Variants in PRKAG2 observed in about 807,000 individuals in gnomAD.
PRKAG2 encodes the protein 5'-AMP-activated protein kinase subunit gamma-2.
In PRKAG2, 26 loss-of-function variants were observed where a neutral mutation model predicts 69.6. That is an observed-to-expected ratio of 0.37 (90% CI 0.27 to 0.52). PRKAG2 has a LOEUF of 0.52. Among genes scored for constraint, PRKAG2 ranks in the 20% least tolerant of loss-of-function variants. The probability of loss-of-function intolerance (pLI) is 0.90; values close to 1 mark genes in which losing one functional copy is unlikely to be tolerated. For missense variants in PRKAG2, 557 were observed against 740.0 expected (o/e 0.75, Z 2.87); for synonymous variants, 293 against 285.0 (o/e 1.03, Z -0.28).
intron 10 of PRKAG2, 21 bp from the exon 11 acceptor site, chr7:151,568,863 G>A (rs1300995133): frequency 4.3e-6 from 7 of 1,612,908 alleles, no homozygotes; most frequent in African/African-American, 1.3e-5. Flanking sequence ...AGTCATTAAA[G>A]TTGTTAGGAG....
rs2076397948 is a variant in PRKAG2, at chr7:151,777,037, G to C, written c.466+4115C>G. On this transcript the variant is annotated intron_variant, in intron 3 of 15. Transcript: ENST00000287878. This position sits in a 1 kb window ranked among gnomAD's most constrained non-coding sequence, Gnocchi z 4.3. ...TCAGCCCGCAGCTGGAGCTCCTGCA[G>C]TACAGGAGATGGGTTGGGGGACTCA... 6.6e-6 allele frequency among the ~76,000 whole-genome samples: 1 copy of C among 152,154 alleles called. No homozygotes were observed. The highest frequency in any genetic ancestry group is 6.5e-5 in the Admixed American group (1 of 15,272).
intron 3 of PRKAG2, among the ~76,000 whole-genome samples, chr7:151,720,416 G>T (rs569348044): frequency 2.0e-5 from 3 of 151,936 alleles, no homozygotes; most frequent in Non-Finnish European, 4.4e-5. Context: ...AGCTCAGGAG[G>T]TCGGTCTATA....
chr7:151,559,953 T>C (rs1804537171), intron 15 of PRKAG2: 3 of 985,368 alleles, frequency 3.0e-6, no homozygotes, highest in Non-Finnish European at 2.4e-6. Context: ...TCTAAAGCCC[T>C]CTCCCGTTCT....
intron 3 of PRKAG2, among the ~76,000 whole-genome samples, chr7:151,755,062 C>T (rs2074988995): frequency 1.3e-5 from 2 of 152,170 alleles, no homozygotes; most frequent in African/African-American, 4.8e-5. Flanking sequence ...ACAGAGAGTT[C>T]TGAAGCCCGG....
intron 2 of PRKAG2, among the ~76,000 whole-genome samples, chr7:151,782,372 G>GAAA (rs1563663427): frequency 0.043 from 1,220 of 28,448 alleles, 53 homozygotes; most frequent in South Asian, 0.082. Context: ...AGGGAGGGAG[G>GAAA]GAAGGAAAGA....
chr7:151,617,537 TATC>T (rs1252415005), intron 5 of PRKAG2, among the ~76,000 whole-genome samples: 1 of 152,178 alleles, frequency 6.6e-6, no homozygotes, highest in African/African-American at 2.4e-5. Flanking sequence ...AAACAAAAAA[TATC>T]ATCATCTTAT....
At chr7:151,730,533 A>G (rs182314910) in intron 3 of PRKAG2, among the ~76,000 whole-genome samples, 1 of 152,342 alleles carries the variant, frequency 6.6e-6, no homozygotes, top group East Asian at 1.9e-4. Context: ...TAAAATAAAA[A>G]GAAAATTTCT....
At position 151,876,760 on chromosome 7, in the gene PRKAG2, G is replaced by C. The variant is rs1352437206; in HGVS notation, c.-140C>G. On this transcript the variant is annotated 5_prime_UTR_variant, in exon 1 of 16. Transcript: ENST00000287878. Reference sequence around the variant, plus strand: ...CCTCGTGGGGACTTCCGCGGAGAGGGAGGGTGAGCAGGGAACTCGCGCGGC... The same window carrying C: ...CCTCGTGGGGACTTCCGCGGAGAGGCAGGGTGAGCAGGGAACTCGCGCGGC... 4 of 846,178 alleles carry C rather than the reference G, an allele frequency of 4.7e-6. No homozygotes were observed. The highest frequency in any genetic ancestry group is 2.1e-5 in the Admixed American group (1 of 48,620). 52.4% of individuals were successfully genotyped at this position (846,178 alleles called of 1,614,324 possible).
intron 3 of PRKAG2, among the ~76,000 whole-genome samples, chr7:151,676,156 A>G (rs1052558777): frequency 6.7e-6 from 1 of 150,146 alleles, no homozygotes; most frequent in Non-Finnish European, 1.5e-5. Flanking sequence ...TGCCTTATTT[A>G]TTGAGGTAAA....
At chr7:151,678,789 T>C (rs970400055) in intron 3 of PRKAG2, among the ~76,000 whole-genome samples, 8 of 151,892 alleles carry the variant, frequency 5.3e-5, no homozygotes, top group African/African-American at 1.9e-4. Context: ...CAAAACCCCA[T>C]CTCTACTAAA....
intron 14 of PRKAG2, among the ~76,000 whole-genome samples, chr7:151,561,769 C>T (rs1252499874): frequency 6.6e-6 from 1 of 151,068 alleles, no homozygotes; most frequent in Non-Finnish European, 1.5e-5. Context: ...CCTGTCTCTA[C>T]TAAAAATACA....
intron 3 of PRKAG2, among the ~76,000 whole-genome samples, chr7:151,779,847 G>A (rs191306354): frequency 8.5e-5 from 13 of 152,280 alleles, no homozygotes; most frequent in Admixed American, 3.3e-4. Context: ...CCATCAGGAC[G>A]GGCCTGATTT....
chr7:151,675,487 G>A lies in PRKAG2; in HGVS notation c.617C>T (p.Pro206Leu), dbSNP rs182084936. The change falls in exon 4 of 16, where the codon CCG becomes CTG. Residue 206 changes from proline (P) to leucine (L), a missense_variant. Physicochemically the swap from Pro to Leu is moderately conservative, Grantham distance 98. This residue lies in a region of PRKAG2 where 352 missense variants were observed against 356.7 expected (regional missense o/e 0.99). Transcript: ENST00000287878. ...CCTGGTCGGGCTCTGGAAGGAAGAC[G>A]GGCAGAACCTCTGCCCTGTGTCCGG... ...SPPDTGQRFC[P>L]SSFQSPTRPP... 2.0e-5 allele frequency: 33 copies of A among 1,614,190 alleles called. No individual in the cohort carries two copies. The highest frequency in any genetic ancestry group is 6.7e-5 in the African/African-American group (5 of 75,064).
At chr7:151,593,935 G>A (rs900695914) in intron 6 of PRKAG2, among the ~76,000 whole-genome samples, 2 of 152,214 alleles carry the variant, frequency 1.3e-5, no homozygotes, top group African/African-American at 4.8e-5. Flanking sequence ...TAAGTCCTGG[G>A]TGGCAGGCAC....
At chr7:151,624,181 T>TA (rs58731772) in intron 5 of PRKAG2, among the ~76,000 whole-genome samples, 13,394 of 148,630 alleles carry the variant, frequency 0.09, 1,853 homozygotes, top group African/African-American at 0.3. Context: ...TATATATATA[T>TA]TTTTTTTTTC....
intron 1 of PRKAG2, among the ~76,000 whole-genome samples, chr7:151,843,193 C>T (rs2079352426): frequency 6.6e-6 from 1 of 152,108 alleles, no homozygotes; most frequent in Non-Finnish European, 1.5e-5. Flanking sequence ...AGACGTGCAG[C>T]ATATGTACAC....
chr7:151,675,912 C>G (rs1832869259), intron 3 of PRKAG2, among the ~76,000 whole-genome samples: 4 of 152,164 alleles, frequency 2.6e-5, no homozygotes, highest in Admixed American at 2.6e-4. Context: ...TGAGGAAAAG[C>G]TTTAAAAACC....
rs1158559692 is a variant in PRKAG2, at chr7:151,848,512, C to CTTTTTTTTTT, written c.114+27985_114+27994dup. Among the ~76,000 whole-genome samples, 110 of 62,260 alleles carry CTTTTTTTTTT rather than the reference C, an allele frequency of 1.8e-3. 22 individuals carry two copies. Among genetic ancestry groups the CTTTTTTTTTT allele is most frequent in the African/African-American group, 4.2e-3 (58 of 13,958 alleles). 40.8% of individuals were successfully genotyped at this position (62,260 alleles called of 152,430 possible). On this transcript the variant is annotated intron_variant, in intron 1 of 15. Transcript: ENST00000287878. The stretch of plus-strand genomic sequence containing the variant: ...AACAGATGAAGAAAATACTGCATGT[C>CTTTTTTTTTT]TTTTTTTTTTTTTTTTTTTTTTTTT...
intron 1 of PRKAG2, among the ~76,000 whole-genome samples, chr7:151,839,225 T>C (rs1232968210): frequency 1.3e-5 from 2 of 151,990 alleles, no homozygotes. Context: ...ATCAGAAAAG[T>C]CGTGATATTC....
Sources: allele counts gnomAD v4.1 joint callset (sites outside exome capture counted in the v4.1 genomes callset), GRCh38; gene constraint gnomAD v4.1.1; regional missense constraint gnomAD v4.1.1; non-coding constraint Gnocchi (gnomAD v3.1); transcripts MANE v1.5; gene names NCBI Gene and HGNC (gene_info 2026-07-23, HGNC 2026-07-21).